CELF2: variants seen among roughly 807,000 people sequenced by gnomAD.
CELF2 encodes the protein CUG triplet repeat RNA-binding protein 2.
Under a neutral mutation model 62.6 loss-of-function variants are expected in CELF2, and 8 were observed. That is an observed-to-expected ratio of 0.13 (90% CI 0.07 to 0.23). The LOEUF (loss-of-function observed/expected upper bound fraction) is 0.23, where lower values mean the gene tolerates loss of function less well. Among genes scored for constraint, CELF2 ranks in the 10% least tolerant of loss-of-function variants. The pLI is 1.00. For missense variants in CELF2, 333 were observed against 671.0 expected, an observed-to-expected ratio of 0.50 and a Z score of 5.56; for synonymous variants, 258 against 250.0, an observed-to-expected ratio of 1.03 and a Z score of -0.30.
At chr10:10,617,636 A>G in the CELF2 span, among the ~76,000 whole-genome samples, 1 of 151,972 alleles carries the variant, frequency 6.6e-6, no homozygotes, top group Non-Finnish European at 1.5e-5. Flanking sequence ...ACCCTTGGAT[A>G]CAGCAGCCCC....
the CELF2 span, among the ~76,000 whole-genome samples, chr10:10,492,202 C>A: frequency 6.6e-6 from 1 of 152,214 alleles, no homozygotes; most frequent in African/African-American, 2.4e-5. Context: ...CCACAACAGA[C>A]AGCCTCTGAT....
the CELF2 span, among the ~76,000 whole-genome samples, chr10:10,654,909 G>A: frequency 4.0e-5 from 6 of 148,168 alleles, no homozygotes; most frequent in Non-Finnish European, 9.0e-5. Flanking sequence ...TATTCAATTA[G>A]GAAAAGAGGA....
chr10:10,553,858 T>C, the CELF2 span, among the ~76,000 whole-genome samples: 1 of 152,108 alleles, frequency 6.6e-6, no homozygotes, highest in Non-Finnish European at 1.5e-5. Context: ...TCAGGGTGGG[T>C]CAGACCAGAC....
At chr10:10,533,919 A>G in the CELF2 span, among the ~76,000 whole-genome samples, 12 of 152,338 alleles carry the variant, frequency 7.9e-5, no homozygotes, top group African/African-American at 2.9e-4. Flanking sequence ...ATCACTGAAG[A>G]AGAGAGTATG....
chr10:10,524,770 C>G, the CELF2 span, among the ~76,000 whole-genome samples: 1 of 152,118 alleles, frequency 6.6e-6, no homozygotes, highest in African/African-American at 2.4e-5. Flanking sequence ...TTACCAAGGT[C>G]ATTTTCAAAC....
At chr10:11,240,402 G>T (rs950144553) in intron 3 of CELF2, among the ~76,000 whole-genome samples, 1 of 152,180 alleles carries the variant, frequency 6.6e-6, no homozygotes, top group Admixed American at 6.5e-5. Context: ...ATCAATTAAC[G>T]TCAGTGATTC....
chr10:10,618,074 T>G, the CELF2 span, among the ~76,000 whole-genome samples: 1 of 152,038 alleles, frequency 6.6e-6, no homozygotes, highest in South Asian at 2.1e-4. Context: ...GCTGTGACCT[T>G]CACTTAGCTA....
intron 1 of CELF2, among the ~76,000 whole-genome samples, chr10:11,044,442 T>G (rs937377230): frequency 3.3e-5 from 5 of 151,742 alleles, no homozygotes; most frequent in Non-Finnish European, 5.9e-5. Flanking sequence ...AGCTTTAAAT[T>G]TTTTTTTTAC....
chr10:10,725,077 T>G, the CELF2 span, among the ~76,000 whole-genome samples: 19 of 152,208 alleles, frequency 1.2e-4, no homozygotes, highest in Admixed American at 2.0e-4. Context: ...GTGAATTACT[T>G]TGGGGTTTAC....
rs193177325 is a variant in CELF2, at chr10:11,165,639, C to T, written c.228C>T (p.Ile76=). The T allele has an allele frequency of 3.7e-6, 6 of 1,614,134 alleles. No individual in the cohort carries two copies. The South Asian group carries it at 6.6e-5, about 18-fold the overall frequency. Residue 76 remains isoleucine (I), a synonymous_variant, in exon 2 of 13, where the codon ATC becomes ATT. Coordinates refer to ENST00000633077, the MANE Select transcript of CELF2 (RefSeq NM_001326342.2). This position sits in a 1 kb window ranked among gnomAD's most constrained non-coding sequence, Gnocchi z 7.4. ...AGCCTTACGGAGCCGTCTACCAGAT[C>T]AACGTCCTCCGGGACCGGAGTCAGA... The part of the protein sequence containing the change: ...LFEPYGAVYQ[I]NVLRDRSQNP...
chr10:11,104,160 C>G (rs2052676467), intron 1 of CELF2, among the ~76,000 whole-genome samples: 2 of 152,024 alleles, frequency 1.3e-5, no homozygotes, highest in African/African-American at 4.8e-5. Context: ...TTGTACAAGT[C>G]TATATATTTG....
chr10:10,783,619 A>G, the CELF2 span, among the ~76,000 whole-genome samples: 1 of 152,354 alleles, frequency 6.6e-6, no homozygotes, highest in East Asian at 1.9e-4. Context: ...AGAAGAACTG[A>G]ATGCTCTGCA....
At chr10:10,677,025 A>G in the CELF2 span, among the ~76,000 whole-genome samples, 1 of 152,202 alleles carries the variant, frequency 6.6e-6, no homozygotes, top group African/African-American at 2.4e-5. Flanking sequence ...GTCTTTTAAT[A>G]TGGTCCAAAA....
chr10:11,265,663 A>G (rs2082002901), intron 5 of CELF2, among the ~76,000 whole-genome samples: 1 of 152,274 alleles, frequency 6.6e-6, no homozygotes, highest in South Asian at 2.1e-4. Flanking sequence ...GCAATGAGCC[A>G]TGTAGTTGGA....
chr10:10,930,213 G>C (rs1285925010), intron 2 of CELF2, among the ~76,000 whole-genome samples: 1 of 152,154 alleles, frequency 6.6e-6, no homozygotes, highest in Non-Finnish European at 1.5e-5. Flanking sequence ...AGACTTCTCA[G>C]ATTCTTCTTA....
In CELF2 at chr10:11,214,581, A is replaced by G. The variant is rs1426909731; in HGVS notation, c.272-2844A>G. ...GATGGGATCCCCTCTTGGAATCGGC[A>G]CAAAGGCTCCAGGCTTCCCTGCCAA... On this transcript the variant is annotated intron_variant, in intron 2 of 12. Transcript: ENST00000633077. This position sits in a 1 kb window ranked among gnomAD's most constrained non-coding sequence, Gnocchi z 4.2. 2.6e-5 allele frequency among the ~76,000 whole-genome samples: 4 copies of G among 152,214 alleles called. No individual in the cohort carries two copies. The highest frequency in any genetic ancestry group is 4.4e-5 in the Non-Finnish European group (3 of 68,024).
At position 11,318,035 on chromosome 10, in the gene CELF2, C is replaced by T. The variant is rs1405361789; in HGVS notation, c.1097-3154C>T. The T allele has an allele frequency of 6.6e-6, 1 of 152,250 alleles. No individual in the cohort carries two copies. The highest frequency in any genetic ancestry group is 1.5e-5 in the Non-Finnish European group (1 of 68,048). 9.4% of individuals were successfully genotyped at this position (152,250 alleles called of 1,614,324 possible). A position where few individuals can be genotyped will look rare whatever the true frequency, so the allele number is the denominator to read the frequency against. Reference sequence around the variant, plus strand: ...TTATTCAACTTGACTTTCTTCACAGCTCTGCTTCTGTTATCCAGAGCTTTT... The same window carrying T: ...TTATTCAACTTGACTTTCTTCACAGTTCTGCTTCTGTTATCCAGAGCTTTT... On this transcript the variant is annotated intron_variant, in intron 10 of 12. Coordinates refer to ENST00000633077, the MANE Select transcript of CELF2 (RefSeq NM_001326342.2). This position sits in a 1 kb window ranked among gnomAD's most constrained non-coding sequence, Gnocchi z 5.4.
At chr10:11,049,238 C>CT (rs1212340502) in intron 1 of CELF2, among the ~76,000 whole-genome samples, 1 of 146,362 alleles carries the variant, frequency 6.8e-6, no homozygotes, top group Non-Finnish European at 1.5e-5. Context: ...AACTGCCTGT[C>CT]TTTTTTTCTC....
Position 11,333,289 on chromosome 10 carries a change from T to C in CELF2, c.*4236T>C, listed in dbSNP as rs2096063420. ...CTGTCCTTCTATCCACTTTTATCTT[T>C]TAATAAATATCAAAAGGAAAAAGCT... On this transcript the variant is annotated 3_prime_UTR_variant, in exon 13 of 13. Coordinates refer to ENST00000633077, the MANE Select transcript of CELF2 (RefSeq NM_001326342.2). The C allele has an allele frequency of 6.6e-6, 1 of 152,588 alleles. No homozygotes were observed. The highest frequency in any genetic ancestry group is 1.5e-5 in the Non-Finnish European group (1 of 68,034). 9.5% of individuals were successfully genotyped at this position (152,588 alleles called of 1,614,324 possible).
Sources: gnomAD v4.1 joint callset for allele counts (sites outside exome capture counted in the v4.1 genomes callset) on GRCh38, gnomAD v4.1.1 for gene constraint, Gnocchi (gnomAD v3.1) non-coding constraint, MANE v1.5 for transcripts, NCBI Gene and HGNC (gene_info 2026-07-23, HGNC 2026-07-21) for gene names.